USP12: variants seen among roughly 807,000 people sequenced by gnomAD.
The protein encoded by USP12 is ubiquitin carboxyl-terminal hydrolase 12.
A neutral mutation model predicts 45.5 loss-of-function variants in USP12; 19 were observed. That is an observed-to-expected ratio of 0.42 (90% CI 0.29 to 0.61). The LOEUF is 0.61. Ranked by LOEUF, USP12 falls within the 20% of genes least tolerant of loss-of-function variation. The pLI is 0.22. For synonymous variants in USP12, 149 were observed against 148.8 expected, an observed-to-expected ratio of 1.00 and a Z score of -0.01; for missense variants, 242 against 447.7, an observed-to-expected ratio of 0.54 and a Z score of 4.15.
At chr13:27,143,068 G>T (rs1471047602) in intron 1 of USP12, among the ~76,000 whole-genome samples, 2 of 150,008 alleles carry the variant, frequency 1.3e-5, no homozygotes, top group Admixed American at 1.3e-4. Context: ...ACTCTAGCCT[G>T]GCAACAGAGT....
chr13:27,089,476 T>C (rs73497361), intron 6 of USP12: 2,729 of 157,620 alleles, frequency 0.017, 31 homozygotes, highest in Middle Eastern at 0.029. Context: ...CAAACCAGTC[T>C]TACAATAACA....
At chr13:27,114,790 CTT>C (rs753102669) in intron 2 of USP12, among the ~76,000 whole-genome samples, 65 of 147,656 alleles carry the variant, frequency 4.4e-4, no homozygotes, top group Admixed American at 1.4e-3. Flanking sequence ...AAAAAACAAA[CTT>C]GAGCAATATA....
At chr13:27,112,865 C>T (rs535325541) in intron 2 of USP12, among the ~76,000 whole-genome samples, 2 of 152,280 alleles carry the variant, frequency 1.3e-5, no homozygotes, top group African/African-American at 4.8e-5. Context: ...TCTTCCTATT[C>T]CCAATGGATC....
In USP12 at chr13:27,071,585, G is replaced by C. The variant is rs916863577; in HGVS notation, c.933-436C>G. On this transcript the variant is annotated intron_variant, in intron 7 of 8. Coordinates refer to ENST00000282344, the MANE Select transcript of USP12 (RefSeq NM_182488.4). ...GGTAATGGTTTTTTTCTTGAGGAAA[G>C]ATCCAATATGATGCTTGAAACAGGC... 2.3e-4 allele frequency among the ~76,000 whole-genome samples: 35 copies of C among 152,232 alleles called. 1 individual carries two copies. Among genetic ancestry groups the C allele is most frequent in the Admixed American group, 9.2e-4 (14 of 15,290 alleles).
intron 1 of USP12, among the ~76,000 whole-genome samples, chr13:27,123,276 TCA>T (rs1876084663): frequency 6.6e-6 from 1 of 152,158 alleles, no homozygotes; most frequent in Non-Finnish European, 1.5e-5. Flanking sequence ...TTTCCAGACC[TCA>T]GTTTCCTCAG....
intron 2 of USP12, among the ~76,000 whole-genome samples, chr13:27,109,383 A>T (rs472339): frequency 0.93 from 141,999 of 152,254 alleles, 66,719 homozygotes; most frequent in East Asian, 1. Flanking sequence ...ACTTTAATCA[A>T]GTCTCTACGT....
At chr13:27,099,359 A>G (rs752155941) in intron 3 of USP12, among the ~76,000 whole-genome samples, 10 of 152,020 alleles carry the variant, frequency 6.6e-5, no homozygotes, top group Non-Finnish European at 1.0e-4. Context: ...ACATTCCTTT[A>G]TTTTTTTAAG....
At chr13:27,131,386 CG>C (rs1565998607) in intron 1 of USP12, among the ~76,000 whole-genome samples, 1 of 152,114 alleles carries the variant, frequency 6.6e-6, no homozygotes, top group Non-Finnish European at 1.5e-5. Flanking sequence ...CTGCCTACCT[CG>C]GGGTTACAGA....
chr13:27,107,387 T>C (rs1037264307), intron 2 of USP12, among the ~76,000 whole-genome samples: 16 of 152,158 alleles, frequency 1.1e-4, no homozygotes, highest in African/African-American at 3.6e-4. Context: ...ATTGTAGCTA[T>C]ATCATAGGAC....
chr13:27,130,332 A>G (rs1876434680), intron 1 of USP12, among the ~76,000 whole-genome samples: 1 of 152,154 alleles, frequency 6.6e-6, no homozygotes, highest in African/African-American at 2.4e-5. Flanking sequence ...AATCTCTATC[A>G]AGTCATAGCT....
rs534753345 is a variant in USP12, at chr13:27,148,141, AC to A, written c.48+23450del. Among the ~76,000 whole-genome samples, 201 of 147,386 alleles carry A rather than the reference AC, an allele frequency of 1.4e-3. 2 individuals are homozygous for A. Among genetic ancestry groups the A allele is most frequent in the Non-Finnish European group, 2.4e-3 (157 of 66,422 alleles). The stretch of plus-strand genomic sequence containing the variant: ...GAGACCTATCTCAAAAAAAAAAAAG[AC>A]TTTTCTAAAACGAAAACCTAACAGA... On this transcript the variant is annotated intron_variant, in intron 1 of 8. Transcript: ENST00000282344.
chr13:27,167,593 A>T (rs1054926113), intron 1 of USP12, among the ~76,000 whole-genome samples: 1 of 151,976 alleles, frequency 6.6e-6, no homozygotes, highest in Non-Finnish European at 1.5e-5. Flanking sequence ...TTAAATTAAC[A>T]CAGCAAAATT....
At chr13:27,105,706 T>C (rs1321818927) in intron 3 of USP12, 25 bp downstream of exon 3, 3 of 1,603,452 alleles carry the variant, frequency 1.9e-6, no homozygotes, top group Non-Finnish European at 2.6e-6. Flanking sequence ...TAGTATGTCA[T>C]TAATACAGTG....
At chr13:27,070,469 T>C (rs1873196127) in intron 8 of USP12, among the ~76,000 whole-genome samples, 1 of 152,164 alleles carries the variant, frequency 6.6e-6, no homozygotes, top group Non-Finnish European at 1.5e-5. Context: ...AAATTCAGAT[T>C]TGTATACTTT....
At chr13:27,168,187 C>T (rs972765650) in intron 1 of USP12, among the ~76,000 whole-genome samples, 2 of 152,104 alleles carry the variant, frequency 1.3e-5, no homozygotes, top group Non-Finnish European at 2.9e-5. Context: ...CCCTTGTAAC[C>T]GAGGGTGGGC....
intron 1 of USP12, among the ~76,000 whole-genome samples, chr13:27,161,027 C>T (rs1269440045): frequency 6.6e-6 from 1 of 152,128 alleles, no homozygotes; most frequent in Non-Finnish European, 1.5e-5. Flanking sequence ...AGTCTGAAAC[C>T]TTCTAAACAT....
At chr13:27,106,960 T>TA (rs1449157294) in intron 2 of USP12, among the ~76,000 whole-genome samples, 11 of 152,278 alleles carry the variant, frequency 7.2e-5, no homozygotes, top group Non-Finnish European at 1.5e-4. Flanking sequence ...TCAGGTGACT[T>TA]AAAGAATGTT....
At chr13:27,076,681 G>T (rs1385642243) in intron 6 of USP12, among the ~76,000 whole-genome samples, 1 of 152,054 alleles carries the variant, frequency 6.6e-6, no homozygotes, top group Non-Finnish European at 1.5e-5. Context: ...AATGGGTCTG[G>T]TGAAGCAAAA....
intron 1 of USP12, among the ~76,000 whole-genome samples, chr13:27,128,372 C>T (rs1222971096): frequency 1.3e-5 from 2 of 152,154 alleles, no homozygotes; most frequent in Non-Finnish European, 2.9e-5. Context: ...TATGACCAAA[C>T]TCAGCATAAG....
Sources: gnomAD v4.1 joint callset for allele counts (sites outside exome capture counted in the v4.1 genomes callset) on GRCh38, gnomAD v4.1.1 for gene constraint, MANE v1.5 for transcripts, NCBI Gene and HGNC (gene_info 2026-07-23, HGNC 2026-07-21) for gene names.